Variants in ATP9B observed in about 807,000 individuals in gnomAD.
ATP9B encodes the protein ATPase phospholipid transporting 9B.
ATP9B carries 110 observed loss-of-function variants against 146.1 expected under a neutral mutation model. The observed-to-expected ratio is 0.75, with a 90% CI of 0.65 to 0.88. The LOEUF (loss-of-function observed/expected upper bound fraction) is 0.88. ATP9B is among the 40% of genes least tolerant of loss of function. ATP9B has a pLI of 0.00. For synonymous variants in ATP9B, 604 were observed against 569.7 expected, an observed-to-expected ratio of 1.06 and a Z score of -0.86; for missense variants, 1,499 against 1,496.4, an observed-to-expected ratio of 1.00 and a Z score of -0.03.
chr18:79,178,045 C>T (rs2095201644), intron 8 of ATP9B, among the ~76,000 whole-genome samples: 1 of 152,210 alleles, frequency 6.6e-6, no homozygotes, highest in Non-Finnish European at 1.5e-5. Flanking sequence ...GGGCAGTTGA[C>T]AGCTGCCTTT....
intron 12 of ATP9B, among the ~76,000 whole-genome samples, chr18:79,260,280 G>T (rs1599366021): frequency 6.6e-6 from 1 of 152,156 alleles, no homozygotes. Context: ...GTGTGAGCAT[G>T]TGAAGGAGGA....
chr18:79,328,088 C>G lies in ATP9B; in HGVS notation c.1774-1053C>G, dbSNP rs568507324. 1.5e-3 allele frequency among the ~76,000 whole-genome samples: 222 copies of G among 147,548 alleles called. 1 individual carries two copies. Among genetic ancestry groups the G allele is most frequent in the Non-Finnish European group, 2.8e-3 (189 of 66,778 alleles). ...GTGCTCTCCGTGGTTAGCGTGCTCTCTGTGGTTAGCGTGCTCTCTGTGGTT... is the reference window on the plus strand; with the variant it reads ...GTGCTCTCCGTGGTTAGCGTGCTCTGTGTGGTTAGCGTGCTCTCTGTGGTT... On this transcript the variant is annotated intron_variant, in intron 15 of 29. Coordinates refer to ENST00000426216, the MANE Select transcript of ATP9B (RefSeq NM_198531.5).
At chr18:79,302,607 G>A (rs2096598316) in intron 13 of ATP9B, among the ~76,000 whole-genome samples, 1 of 152,192 alleles carries the variant, frequency 6.6e-6, no homozygotes, top group Non-Finnish European at 1.5e-5. Context: ...GGTTAAATGA[G>A]ATCTCTTTGT....
intron 5 of ATP9B, among the ~76,000 whole-genome samples, chr18:79,128,143 T>A (rs2147214575): frequency 7.3e-6 from 1 of 137,374 alleles, no homozygotes. Context: ...CACTGCTACC[T>A]CCTCCTCCCG....
intron 11 of ATP9B, among the ~76,000 whole-genome samples, chr18:79,235,377 G>A (rs1043402457): frequency 6.6e-6 from 1 of 152,152 alleles, no homozygotes; most frequent in Admixed American, 6.5e-5. Flanking sequence ...CAGCTGTGAA[G>A]CTTTTGGTCA....
At chr18:79,199,435 A>T (rs939106191) in intron 9 of ATP9B, among the ~76,000 whole-genome samples, 3 of 152,142 alleles carry the variant, frequency 2.0e-5, no homozygotes, top group African/African-American at 7.2e-5. Context: ...TTTAGTTTTT[A>T]AAAATTTTAC....
At chr18:79,334,100 G>C (rs2096806513) in intron 17 of ATP9B, among the ~76,000 whole-genome samples, 1 of 152,196 alleles carries the variant, frequency 6.6e-6, no homozygotes. Flanking sequence ...GCTCACGCCT[G>C]TAATCCCAGC....
intron 11 of ATP9B, among the ~76,000 whole-genome samples, chr18:79,216,557 C>T (rs932751220): frequency 1.3e-5 from 2 of 152,160 alleles, no homozygotes; most frequent in African/African-American, 2.4e-5. Context: ...AATTTTTCAG[C>T]CCTACCCTGA....
At chr18:79,246,378 CG>C (rs1204248745) in intron 11 of ATP9B, among the ~76,000 whole-genome samples, 2 of 151,618 alleles carry the variant, frequency 1.3e-5, no homozygotes, top group African/African-American at 4.9e-5. Context: ...AGGAGGGCAC[CG>C]CCCTACTGAC....
At position 79,347,770 on chromosome 18, in the gene ATP9B, G is replaced by A; in HGVS notation, c.2683G>A (p.Glu895Lys). The A allele has an allele frequency of 6.5e-7, 1 of 1,548,936 alleles. No homozygotes were observed. The highest frequency in any genetic ancestry group is 2.1e-5 in the Admixed American group (1 of 48,712). ...AAGGCCCCGTGTGCTTTTCTCTCAGGAGGGTAAACAGGCCTCGCTGGCGGC... is the reference window on the plus strand; with the variant it reads ...AAGGCCCCGTGTGCTTTTCTCTCAGAAGGGTAAACAGGCCTCGCTGGCGGC... ...ADCGIGIEGK[E>K]GKQASLAADF... Residue 895 changes from glutamate (E) to lysine (K), a missense_variant and splice_region_variant, in exon 24 of 30, where the codon GAG becomes AAG. Coordinates refer to ENST00000426216, the MANE Select transcript of ATP9B (RefSeq NM_198531.5).
chr18:79,286,942 C>T, intron 13 of ATP9B, among the ~76,000 whole-genome samples: 1 of 152,150 alleles, frequency 6.6e-6, no homozygotes, highest in Non-Finnish European at 1.5e-5. Flanking sequence ...GTATATTGAA[C>T]CAGCCTTGCA....
At chr18:79,304,806 G>A (rs538003076) in intron 14 of ATP9B, among the ~76,000 whole-genome samples, 4 of 152,326 alleles carry the variant, frequency 2.6e-5, no homozygotes, top group African/African-American at 4.8e-5. Flanking sequence ...GATCAGACCT[G>A]GAGATCTGAG....
rs765738057 is a variant in ATP9B, at chr18:79,206,940, G to A, written c.958G>A (p.Asp320Asn). 11 of 1,613,862 alleles carry A rather than the reference G, an allele frequency of 6.8e-6. No individual in the cohort carries two copies. Among genetic ancestry groups the A allele is most frequent in the Non-Finnish European group, 9.3e-6 (11 of 1,179,926 alleles). The change falls in exon 10 of 30, where the codon GAC (aspartate) becomes AAC (asparagine). Residue 320 changes from aspartate to asparagine, a missense_variant. Transcript: ENST00000426216. ...TTCTTTTTGTCTCCCTGCACAGGAAGACAGTGACCCGCCCATTCATGAAAG... is the reference window on the plus strand; with the variant it reads ...TTCTTTTTGTCTCCCTGCACAGGAAAACAGTGACCCGCCCATTCATGAAAG... ...HSFEGTFTREDSDPPIHESLS... is the reference protein window; with the variant it reads ...HSFEGTFTRENSDPPIHESLS...
chr18:79,097,185 TTA>T (rs2074861107), intron 2 of ATP9B, among the ~76,000 whole-genome samples: 1 of 150,130 alleles, frequency 6.7e-6, no homozygotes, highest in Non-Finnish European at 1.5e-5. Context: ...CTAGAGAAAA[TTA>T]GTGACTTTAT....
At chr18:79,292,106 G>A (rs1255596844) in intron 13 of ATP9B, among the ~76,000 whole-genome samples, 1 of 152,196 alleles carries the variant, frequency 6.6e-6, no homozygotes, top group Admixed American at 6.5e-5. Context: ...TCCATCGTGT[G>A]GATACACCAC....
At chr18:79,368,188 C>G (rs2097046925) in intron 26 of ATP9B, among the ~76,000 whole-genome samples, 1 of 152,210 alleles carries the variant, frequency 6.6e-6, no homozygotes, top group African/African-American at 2.4e-5. Flanking sequence ...GATTTCAAGG[C>G]AAAATGATTA....
intron 11 of ATP9B, among the ~76,000 whole-genome samples, chr18:79,228,114 CA>C (rs1307974958): frequency 6.6e-6 from 1 of 152,018 alleles, no homozygotes; most frequent in Admixed American, 6.6e-5. Context: ...ATCTTTAGCC[CA>C]AAAAATAGCC....
intron 7 of ATP9B, among the ~76,000 whole-genome samples, chr18:79,158,447 G>A (rs566699616): frequency 6.6e-6 from 1 of 151,838 alleles, no homozygotes; most frequent in African/African-American, 2.4e-5. Context: ...CACCACACCT[G>A]GGTAATTTTT....
intron 6 of ATP9B, among the ~76,000 whole-genome samples, chr18:79,148,784 A>T (rs2094634346): frequency 6.6e-6 from 1 of 152,250 alleles, no homozygotes; most frequent in African/African-American, 2.4e-5. Context: ...AACTACGTAT[A>T]CATGTACATA....
Sources: gnomAD v4.1 joint callset for allele counts (sites outside exome capture counted in the v4.1 genomes callset) on GRCh38, gnomAD v4.1.1 for gene constraint, MANE v1.5 for transcripts, NCBI Gene and HGNC (gene_info 2026-07-23, HGNC 2026-07-21) for gene names.